Variants in CCSER1 observed in about 807,000 individuals in gnomAD.
The protein encoded by CCSER1 is serine-rich coiled-coil domain-containing protein 1.
A neutral mutation model predicts 82.0 loss-of-function variants in CCSER1; 41 were observed. The observed-to-expected ratio is 0.50, with a 90% CI of 0.39 to 0.65. The LOEUF (loss-of-function observed/expected upper bound fraction) is 0.65. Ranked by LOEUF, CCSER1 falls within the 30% of genes least tolerant of loss-of-function variation. CCSER1 has a pLI of 0.00. For synonymous variants in CCSER1, 414 were observed against 383.9 expected, an observed-to-expected ratio of 1.08 and a Z score of -0.92; for missense variants, 1,119 against 1,064.2, an observed-to-expected ratio of 1.05 and a Z score of -0.72.
intron 10 of CCSER1, among the ~76,000 whole-genome samples, chr4:91,362,498 A>G (rs766935227): frequency 6.6e-6 from 1 of 151,908 alleles, no homozygotes; most frequent in East Asian, 1.9e-4. Flanking sequence ...AGAAAGAAAC[A>G]TATTTTATTT....
intron 1 of CCSER1, among the ~76,000 whole-genome samples, chr4:90,202,236 G>A (rs543967879): frequency 1.4e-5 from 2 of 146,696 alleles, no homozygotes; most frequent in Admixed American, 1.4e-4. Context: ...GTGTCGCTCT[G>A]TCACCCAAGC....
intron 1 of CCSER1, among the ~76,000 whole-genome samples, chr4:90,301,811 T>G (rs1168472254): frequency 6.6e-6 from 1 of 152,086 alleles, no homozygotes; most frequent in Non-Finnish European, 1.5e-5. Context: ...GCTAAGGGAT[T>G]AAAGGTAACT....
chr4:90,358,271 T>TA (rs11417618), intron 3 of CCSER1, among the ~76,000 whole-genome samples: 102,860 of 151,844 alleles, frequency 0.68, 36,828 homozygotes, highest in African/African-American at 0.92. Flanking sequence ...GATTCAGATT[T>TA]AAAATGAAGT....
intron 1 of CCSER1, among the ~76,000 whole-genome samples, chr4:90,213,683 G>T (rs754034213): frequency 2.0e-4 from 30 of 152,158 alleles, no homozygotes; most frequent in Middle Eastern, 3.2e-3. Context: ...AGGAGAGTTT[G>T]TTGTACTCGA....
chr4:91,576,299 CAG>C (rs1763449482), intron 10 of CCSER1, among the ~76,000 whole-genome samples: 1 of 151,852 alleles, frequency 6.6e-6, no homozygotes, highest in Admixed American at 6.6e-5. Context: ...AAGTAAGACA[CAG>C]AAGACAAATA....
At position 91,247,728 on chromosome 4, in the gene CCSER1, G is replaced by T. The variant is rs1233759906; in HGVS notation, c.2217+161734G>T. On this transcript the variant is annotated intron_variant, in intron 10 of 10. Transcript: ENST00000509176. The stretch of plus-strand genomic sequence containing the variant: ...ACTGAAAATATAAAAAATTAGCCGG[G>T]TGTGGTGGTGCGTGTCTGCAGTCCC... Among the ~76,000 whole-genome samples the T allele has an allele frequency of 2.6e-5, 4 of 152,262 alleles. No individual in the cohort carries two copies. In the East Asian group the frequency reaches 5.8e-4, roughly 22 times the overall value.
chr4:90,846,390 G>T (rs1049654837), intron 8 of CCSER1, among the ~76,000 whole-genome samples: 3 of 152,032 alleles, frequency 2.0e-5, no homozygotes, highest in Non-Finnish European at 4.4e-5. Context: ...TCTTTATAGA[G>T]ATCTATTTAA....
At position 90,470,773 on chromosome 4, in the gene CCSER1, A is replaced by AC. The variant is rs531969471; in HGVS notation, c.1724+2419_1724+2420insC. Among the ~76,000 whole-genome samples the AC allele has an allele frequency of 2.9e-3, 440 of 150,752 alleles. 2 individuals carry two copies. The highest frequency in any genetic ancestry group is 5.4e-3 in the Non-Finnish European group (363 of 67,826). Reference sequence around the variant, plus strand: ...CCTTTTAATCAAAGCAAAAAAAAAAAAAAAAAAACAAAACACCCAGATTTG... The same window carrying AC: ...CCTTTTAATCAAAGCAAAAAAAAAAACAAAAAAAACAAAACACCCAGATTTG... On this transcript the variant is annotated intron_variant, in intron 5 of 10. Transcript: ENST00000509176.
At chr4:90,518,993 A>G (rs1772695649) in intron 5 of CCSER1, among the ~76,000 whole-genome samples, 1 of 151,884 alleles carries the variant, frequency 6.6e-6, no homozygotes, top group Admixed American at 6.6e-5. Flanking sequence ...TTAACATAGG[A>G]TGATAAGTAG....
chr4:91,492,281 C>T (rs1758590518), intron 10 of CCSER1, among the ~76,000 whole-genome samples: 1 of 152,084 alleles, frequency 6.6e-6, no homozygotes, highest in South Asian at 2.1e-4. Context: ...TGGCTGGAAG[C>T]ATAATCTCCA....
chr4:90,440,479 G>A (rs760097577), intron 4 of CCSER1, among the ~76,000 whole-genome samples: 53 of 152,288 alleles, frequency 3.5e-4, no homozygotes, highest in Admixed American at 6.5e-4. Flanking sequence ...AAAGGCAATG[G>A]CTTAGGAGGA....
intron 9 of CCSER1, among the ~76,000 whole-genome samples, chr4:91,043,253 T>C (rs1742130884): frequency 6.6e-6 from 1 of 151,996 alleles, no homozygotes; most frequent in Non-Finnish European, 1.5e-5. Context: ...AAAATAATCA[T>C]AGAAAAATAA....
chr4:90,544,153 T>A (rs1184435145), intron 5 of CCSER1, among the ~76,000 whole-genome samples: 1 of 152,076 alleles, frequency 6.6e-6, no homozygotes, highest in Non-Finnish European at 1.5e-5. Flanking sequence ...TAGAAGACTG[T>A]TTTTTATAGA....
Position 90,305,746 on chromosome 4 carries a change from A to G in CCSER1, c.-41-2498A>G, listed in dbSNP as rs190042607. 2.4e-3 allele frequency among the ~76,000 whole-genome samples: 372 copies of G among 152,310 alleles called. 1 individual carries two copies. Among genetic ancestry groups the G allele is most frequent in the African/African-American group, 8.2e-3 (342 of 41,572 alleles). ...ACTGTTGGTGGGGGTGTAAATTAGC[A>G]CAGCCTCTATGGAACACAGTATGGA... On this transcript the variant is annotated intron_variant, in intron 1 of 10. Coordinates refer to ENST00000509176, the MANE Select transcript of CCSER1 (RefSeq NM_001145065.2).
At position 90,309,497 on chromosome 4, in the gene CCSER1, G is replaced by A; in HGVS notation, c.1213G>A (p.Glu405Lys). ...TTATGAGCAACATAAAGCAATAGCG[G>A]AACATGTAAAAGGGATCCATCCTAT... is the stretch of plus-strand genomic sequence containing the variant. The part of the protein sequence containing the change: ...GFYEQHKAIA[E>K]HVKGIHPISD... Residue 405 changes from glutamate (E) to lysine (K), a missense_variant, in exon 2 of 11, where the codon GAA (glutamate) becomes AAA (lysine). Physicochemically the swap from Glu to Lys is moderately conservative, Grantham distance 56 (BLOSUM62 1). Transcript: ENST00000509176. 6.2e-7 allele frequency: 1 copy of A among 1,613,772 alleles called. No homozygotes were observed. Among genetic ancestry groups the A allele is most frequent in the Non-Finnish European group, 8.5e-7 (1 of 1,179,740 alleles).
intron 6 of CCSER1, among the ~76,000 whole-genome samples, chr4:90,650,618 A>G (rs1579716834): frequency 6.6e-6 from 1 of 152,174 alleles, no homozygotes; most frequent in Non-Finnish European, 1.5e-5. Context: ...ATGTTACCCC[A>G]CTTTACACTC....
At chr4:90,168,987 A>G (rs1453959443) in intron 1 of CCSER1, among the ~76,000 whole-genome samples, 1 of 151,852 alleles carries the variant, frequency 6.6e-6, no homozygotes, top group African/African-American at 2.4e-5. Flanking sequence ...ATGAACTTTA[A>G]AGTAGTTTTT....
chr4:91,486,537 G>T (rs115416487), intron 10 of CCSER1, among the ~76,000 whole-genome samples: 1 of 151,958 alleles, frequency 6.6e-6, no homozygotes, highest in African/African-American at 2.4e-5. Context: ...TTGTAATCAC[G>T]GCTGTTGCCC....
At chr4:90,309,866 C>T (rs1280628698) in intron 2 of CCSER1, among the ~76,000 whole-genome samples, 5 of 152,000 alleles carry the variant, frequency 3.3e-5, no homozygotes, top group Non-Finnish European at 1.5e-5. Context: ...AAGAAGCAGC[C>T]TCTTAGTTAC....
Sources: allele counts gnomAD v4.1 joint callset (sites outside exome capture counted in the v4.1 genomes callset), GRCh38; gene constraint gnomAD v4.1.1; transcripts MANE v1.5; gene names NCBI Gene and HGNC (gene_info 2026-07-23, HGNC 2026-07-21).